The following ZNF485 variants were observed in gnomAD, a reference collection of about 807,000 sequenced individuals.
ZNF485 encodes Zinc finger protein 93 (Zinc finger protein HTF34).
In ZNF485, 9 loss-of-function variants were observed where a neutral mutation model predicts 10.8. That is an observed-to-expected ratio of 0.83 (90% CI 0.50 to 1.45). The LOEUF (loss-of-function observed/expected upper bound fraction) is 1.45. Among genes scored for constraint, ZNF485 ranks in the 40% most tolerant of loss-of-function variants. ZNF485 has a pLI of 0.00. For missense variants in ZNF485, 487 were observed against 528.0 expected (o/e 0.92, Z 0.76); for synonymous variants, 187 against 181.0 (o/e 1.03, Z -0.27).
intron 4 of ZNF485, among the ~76,000 whole-genome samples, chr10:43,615,941 T>C (rs61859185): frequency 0.017 from 2,549 of 152,336 alleles, 37 homozygotes; most frequent in South Asian, 0.041. Context: ...ATAGCTTGCT[T>C]TGTGACTCTG....
Position 43,616,356 on chromosome 10 carries a change from C to G in ZNF485, c.313C>G (p.Leu105Val), listed in dbSNP as rs1564483845. 6 of 1,613,628 alleles carry G rather than the reference C, an allele frequency of 3.7e-6. No individual in the cohort carries two copies. The highest frequency in any genetic ancestry group is 1.1e-5 in the South Asian group (1 of 91,060). Residue 105 changes from leucine to valine, a missense_variant, in exon 5 of 5, where the codon CTG (leucine) becomes GTG (valine). Physicochemically the swap from Leu to Val is conservative, Grantham distance 32. Coordinates refer to ENST00000361807, the MANE Select transcript of ZNF485 (RefSeq NM_145312.4). ...GCAAAGCACTTCTGAAGCATCTGTTCTGGGAGAGCGAACGAAAAGTGTCAT... is the reference window on the plus strand; with the variant it reads ...GCAAAGCACTTCTGAAGCATCTGTTGTGGGAGAGCGAACGAAAAGTGTCAT... ...LKQSTSEASVLGERTKSVMME... is the reference protein window; with the variant it reads ...LKQSTSEASVVGERTKSVMME...
At position 43,616,861 on chromosome 10, in the gene ZNF485, AC is replaced by A; in HGVS notation, c.819del (p.Asn273LysfsTer166). 6.2e-7 allele frequency: 1 copy of A among 1,614,132 alleles called. No homozygotes were observed. Among genetic ancestry groups the A allele is most frequent in the Non-Finnish European group, 8.5e-7 (1 of 1,180,036 alleles). On this transcript the variant is annotated frameshift_variant, in exon 5 of 5. Transcript: ENST00000361807. LOFTEE classifies it low-confidence loss of function (END_TRUNC). ...AGTGGAGAGAAGCCTTTTAAATGTA[AC>A]AAGTGTGGGAGAGCTTTCAGGGATA... ...IHSGEKPFKC[N>X]KCGRAFRDNS...
In ZNF485 at chr10:43,606,504, A is replaced by G; in HGVS notation, c.-97A>G. 1 of 344,462 alleles carries G rather than the reference A, an allele frequency of 2.9e-6. No individual in the cohort carries two copies. Among genetic ancestry groups the G allele is most frequent in the African/African-American group, 2.2e-5 (1 of 46,492 alleles). 21.3% of individuals were successfully genotyped at this position (344,462 alleles called of 1,614,324 possible). ...TCCGAACGGCGTGGTGTGGTCGCTGACTCTCTGGGCGTGCAGCTCCGCAGC... is the reference window on the plus strand; with the variant it reads ...TCCGAACGGCGTGGTGTGGTCGCTGGCTCTCTGGGCGTGCAGCTCCGCAGC... On this transcript the variant is annotated 5_prime_UTR_variant, in exon 1 of 5. Transcript: ENST00000361807.
At position 43,608,635 on chromosome 10, in the gene ZNF485, G is replaced by A. The variant is rs377545393; in HGVS notation, c.46G>A (p.Val16Met). 1.4e-5 allele frequency: 23 copies of A among 1,613,994 alleles called. No individual in the cohort carries two copies. The highest frequency in any genetic ancestry group is 1.7e-5 in the Non-Finnish European group (20 of 1,179,988). Residue 16 changes from valine to methionine, a missense_variant, in exon 3 of 5, where the codon GTG becomes ATG. By Grantham distance (21) the Val-to-Met change is conservative. Coordinates refer to ENST00000361807, the MANE Select transcript of ZNF485 (RefSeq NM_145312.4). ...GCAGGGACCGCTGACATTTGGGGAT[G>A]TGGCTGTGGCCTTTACCCGGATTGA... ...QIQGPLTFGD[V>M]AVAFTRIEWR... is the part of the protein sequence containing the mutation.
Position 43,616,612 on chromosome 10 carries a change from A to C in ZNF485, c.569A>C (p.Glu190Ala). Residue 190 changes from glutamate (E) to alanine (A), a missense_variant, in exon 5 of 5, where the codon GAA becomes GCA. Glu to Ala is a moderately radical substitution (Grantham distance 107). Coordinates refer to ENST00000361807, the MANE Select transcript of ZNF485 (RefSeq NM_145312.4). ...HAGKQPYRCIECGKFLKKHST... is the reference protein window; with the variant it reads ...HAGKQPYRCIACGKFLKKHST... ...GGCAAACAGCCTTATAGATGTATTG[A>C]ATGTGGGAAGTTCCTGAAGAAGCAC... 1 of 1,614,240 alleles carries C rather than the reference A, an allele frequency of 6.2e-7. No homozygotes were observed. Among genetic ancestry groups the C allele is most frequent in the Non-Finnish European group, 8.5e-7 (1 of 1,180,042 alleles).
At chr10:43,612,207 A>C (rs1452312438) in intron 4 of ZNF485, among the ~76,000 whole-genome samples, 1 of 152,120 alleles carries the variant, frequency 6.6e-6, no homozygotes, top group Non-Finnish European at 1.5e-5. Context: ...TTTTATTCTC[A>C]TTTATCTTGG....
In ZNF485 at chr10:43,608,722, G is replaced by A; in HGVS notation, c.133G>A (p.Gly45Arg). Residue 45 changes from glycine to arginine, a missense_variant, in exon 3 of 5, where the codon GGG becomes AGG. Physicochemically the swap from Gly to Arg is moderately radical, Grantham distance 125 (BLOSUM62 -2). Coordinates refer to ENST00000361807, the MANE Select transcript of ZNF485 (RefSeq NM_145312.4). ...CAGGGATGTGATGCTGGAGAACTAT[G>A]GGAATCTGGTGTCTGTGGGTGAGGA... is the stretch of plus-strand genomic sequence containing the variant. ...LYRDVMLENY[G>R]NLVSVGLLSS... 1 of 1,614,128 alleles carries A rather than the reference G, an allele frequency of 6.2e-7. No individual in the cohort carries two copies. The highest frequency in any genetic ancestry group is 1.1e-5 in the South Asian group (1 of 91,064).
In ZNF485 at chr10:43,617,337, CATA is replaced by C. The variant is rs1340543852; in HGVS notation, c.1299_1301del (p.Asn433del). 3.2e-6 allele frequency: 5 copies of C among 1,563,300 alleles called. No homozygotes were observed. The highest frequency in any genetic ancestry group is 4.3e-6 in the Non-Finnish European group (5 of 1,159,976). ...AGCCCTTAAGCAACATAAGAAAATT[CATA>C]ATAAAGAAAGAGCCATGAAATGTAG... On this transcript the variant is annotated inframe_deletion, in exon 5 of 5. Coordinates refer to ENST00000361807, the MANE Select transcript of ZNF485 (RefSeq NM_145312.4).
chr10:43,606,663 G>T (rs1460406310), intron 1 of ZNF485, 117 bp downstream of exon 1: 4 of 329,324 alleles, frequency 1.2e-5, no homozygotes, highest in African/African-American at 8.7e-5. Flanking sequence ...GGAAGGCGGC[G>T]GTGGGCAGTG....
chr10:43,610,222 A>C (rs116731158), intron 4 of ZNF485, among the ~76,000 whole-genome samples: 7 of 151,834 alleles, frequency 4.6e-5, no homozygotes, highest in African/African-American at 1.7e-4. Context: ...TTTTCTGTGT[A>C]TACTTTGTAT....
At position 43,616,913 on chromosome 10, in the gene ZNF485, A is replaced by T; in HGVS notation, c.870A>T (p.Lys290Asn). Residue 290 changes from lysine (K) to asparagine (N), a missense_variant, in exon 5 of 5, where the codon AAA becomes AAT. Physicochemically the swap from Lys to Asn is moderately conservative, Grantham distance 94. Transcript: ENST00000361807. ...RDNSTVLEHQ[K>N]IHTGEKPYQC... ...ATTCAACTGTGTTGGAACATCAGAA[A>T]ATCCATACTGGTGAGAAGCCATATC... 2 of 1,614,144 alleles carry T rather than the reference A, an allele frequency of 1.2e-6. No individual in the cohort carries two copies. The highest frequency in any genetic ancestry group is 1.7e-6 in the Non-Finnish European group (2 of 1,180,046).
chr10:43,608,937 T>C (rs1838712686), intron 3 of ZNF485, among the ~76,000 whole-genome samples, 197 bp downstream of exon 3: 1 of 152,218 alleles, frequency 6.6e-6, no homozygotes, highest in African/African-American at 2.4e-5. Flanking sequence ...AGAGTTAAGA[T>C]GGGTAGCTTT....
At chr10:43,608,057 T>A (rs1368934059) in intron 2 of ZNF485, among the ~76,000 whole-genome samples, 1 of 152,240 alleles carries the variant, frequency 6.6e-6, no homozygotes, top group Non-Finnish European at 1.5e-5. Flanking sequence ...TTTTCTTTTT[T>A]AAAAATATTC....
chr10:43,613,881 G>C (rs1588841552), intron 4 of ZNF485, among the ~76,000 whole-genome samples: 1 of 152,272 alleles, frequency 6.6e-6, no homozygotes, highest in African/African-American at 2.4e-5. Flanking sequence ...GTGCCTCATT[G>C]TGGTTTTCAT....
At chr10:43,608,070 C>G (rs1434364998) in intron 2 of ZNF485, among the ~76,000 whole-genome samples, 1 of 152,106 alleles carries the variant, frequency 6.6e-6, no homozygotes, top group Non-Finnish European at 1.5e-5. Context: ...AAATATTCTG[C>G]CCCAGAGTCA....
Position 43,609,355 on chromosome 10 carries a change from G to A in ZNF485, c.247+5G>A. 2 of 1,612,258 alleles carry A rather than the reference G, an allele frequency of 1.2e-6. No individual in the cohort carries two copies. The highest frequency in any genetic ancestry group is 1.7e-6 in the Non-Finnish European group (2 of 1,178,496). ...CTCCATCAGGCACACATGCAGGTGA[G>A]TGGGTGGGGAACATCCCAGCAGAAG... On this transcript the variant is annotated splice_donor_5th_base_variant and intron_variant, in intron 4 of 4. Coordinates refer to ENST00000361807, the MANE Select transcript of ZNF485 (RefSeq NM_145312.4).
intron 4 of ZNF485, among the ~76,000 whole-genome samples, chr10:43,611,468 G>A (rs894581508): frequency 3.3e-5 from 5 of 152,056 alleles, no homozygotes; most frequent in African/African-American, 1.2e-4. Context: ...GAACAATGTT[G>A]CAGTGATTAT....
Position 43,617,434 on chromosome 10 carries a change from A to T in ZNF485, c.*65A>T, listed in dbSNP as rs949529016. 7 of 1,201,120 alleles carry T rather than the reference A, an allele frequency of 5.8e-6. No homozygotes were observed. The African/African-American group carries it at 1.1e-4, about 18-fold the overall frequency. The allele number at this position is 1,201,120 out of a possible 1,614,324, so 74.4% of individuals were successfully genotyped here. A position where few individuals can be genotyped will look rare whatever the true frequency, so the allele number is the denominator to read the frequency against. On this transcript the variant is annotated 3_prime_UTR_variant, in exon 5 of 5. Coordinates refer to ENST00000361807, the MANE Select transcript of ZNF485 (RefSeq NM_145312.4). ...TCATAGAGGAGACATTAAATAAATT[A>T]TGCATTTAACAGAAATACTCTGTAC...
In ZNF485 at chr10:43,616,921, C is replaced by A; in HGVS notation, c.878C>A (p.Thr293Asn). 6.2e-7 allele frequency: 1 copy of A among 1,614,138 alleles called. No homozygotes were observed. ...GTGTTGGAACATCAGAAAATCCATA[C>A]TGGTGAGAAGCCATATCAGTGTAAT... ...STVLEHQKIH[T>N]GEKPYQCNEC... is the part of the protein sequence containing the mutation. The change falls in exon 5 of 5, where the codon ACT becomes AAT. Residue 293 changes from threonine to asparagine, a missense_variant. Thr to Asn is a moderately conservative substitution (Grantham distance 65, BLOSUM62 0). Transcript: ENST00000361807.
Sources: allele counts gnomAD v4.1 joint callset (sites outside exome capture counted in the v4.1 genomes callset), GRCh38; gene constraint gnomAD v4.1.1; transcripts MANE v1.5; gene names NCBI Gene and HGNC (gene_info 2026-07-23, HGNC 2026-07-21).